SPON2: variants seen among roughly 807,000 people sequenced by gnomAD.
SPON2 encodes the protein spondin 2.
Under a neutral mutation model 29.9 loss-of-function variants are expected in SPON2, and 32 were observed. The ratio of observed to expected loss-of-function variants is 1.07; its 90% CI spans 0.81 to 1.44. The LOEUF (loss-of-function observed/expected upper bound fraction) is 1.44. SPON2 is among the 40% of genes most tolerant of loss of function. The pLI is 0.00. For synonymous variants in SPON2, 248 were observed against 209.1 expected (o/e 1.19, Z -1.61); for missense variants, 541 against 455.5 (o/e 1.19, Z -1.71).
intron 5 of SPON2, chr4:1,169,620 C>T (rs1015182981): frequency 1.3e-5 from 2 of 152,296 alleles, no homozygotes; most frequent in African/African-American, 4.8e-5. Context: ...CCCGTACCTG[C>T]CTCAACTCCA....
upstream of SPON2, among the ~76,000 whole-genome samples, chr4:1,177,066 C>T (rs1477020132): frequency 6.6e-6 from 1 of 152,242 alleles, no homozygotes; most frequent in Non-Finnish European, 1.5e-5. Context: ...ACAGCAATGC[C>T]AGGGTCCTCT....
intron 5 of SPON2, chr4:1,169,708 GA>G (rs1427691291): frequency 6.6e-6 from 1 of 152,326 alleles, no homozygotes; most frequent in African/African-American, 2.4e-5. Context: ...GGGAAAGTCT[GA>G]AGTCCGCTGT....
upstream of SPON2, chr4:1,172,892 TCCCCTCCTCCC>T (rs1727507915): frequency 8.5e-4 from 1 of 1,178 alleles, no homozygotes; most frequent in African/African-American, 3.0e-3. Context: ...TCCCCTCCCC[TCCCCTCCTCCC>T]CTCCCCTCCT....
chr4:1,196,106 C>A (rs554367493), upstream of SPON2, among the ~76,000 whole-genome samples: 138 of 152,326 alleles, frequency 9.1e-4, no homozygotes, highest in Non-Finnish European at 1.5e-3. Flanking sequence ...CCCCGACAGG[C>A]CCTCTGCCTC....
In SPON2 at chr4:1,195,065, G is replaced by GAC. The variant is rs1560210818; in HGVS notation, c.-315_-314insGT. The GAC allele has an allele frequency of 1.1e-4, 10 of 94,994 alleles. 1 individual carries two copies. The highest frequency in any genetic ancestry group is 3.4e-4 in the African/African-American group (10 of 29,674). The allele number at this position is 94,994 out of a possible 1,614,324, so 5.9% of individuals were successfully genotyped here. Reference sequence around the variant, plus strand: ...CGGCGGCTCCAACCCCGCAGCCGGCGTCTCCAACCCCGCAGCCGGCGGCTC... The same window carrying GAC: ...CGGCGGCTCCAACCCCGCAGCCGGCGACTCTCCAACCCCGCAGCCGGCGGCTC... On this transcript the variant is annotated 5_prime_UTR_variant, in exon 1 of 4. Coordinates refer to the SPON2 transcript ENST00000502483.
chr4:1,183,618 T>C lies in SPON2; in HGVS notation c.-238-4077A>G, dbSNP rs146537135. On this transcript the variant is annotated intron_variant, in intron 1 of 3. Coordinates refer to the SPON2 transcript ENST00000502483. ...GAGCCTAATGCATTTTTTAAAATTA[T>C]TAATTTATGTTTTGAGGCACACAGT... is the stretch of plus-strand genomic sequence containing the variant. Among the ~76,000 whole-genome samples, 416 of 152,344 alleles carry C rather than the reference T, an allele frequency of 2.7e-3. 2 individuals are homozygous for C. The highest frequency in any genetic ancestry group is 9.5e-3 in the African/African-American group (397 of 41,572).
chr4:1,207,564 C>A (rs1728373061), intron 1 of SPON2, among the ~76,000 whole-genome samples: 2 of 151,632 alleles, frequency 1.3e-5, no homozygotes, highest in Non-Finnish European at 2.9e-5. Context: ...GGCTGCCTAA[C>A]CATGCGCCGC....
At chr4:1,182,554 GA>G (rs755791204) in intron 1 of SPON2, among the ~76,000 whole-genome samples, 3 of 152,164 alleles carry the variant, frequency 2.0e-5, no homozygotes, top group Non-Finnish European at 4.4e-5. Flanking sequence ...GGAACACAAA[GA>G]AAAAATATTG....
At chr4:1,182,563 T>C (rs1481347063) in intron 1 of SPON2, among the ~76,000 whole-genome samples, 1 of 151,826 alleles carries the variant, frequency 6.6e-6, no homozygotes, top group Admixed American at 6.6e-5. Context: ...AGAAAAAATA[T>C]TGAAGAAAAA....
chr4:1,181,059 G>A (rs1328731860), intron 1 of SPON2, among the ~76,000 whole-genome samples: 1 of 152,140 alleles, frequency 6.6e-6, no homozygotes, highest in Non-Finnish European at 1.5e-5. Context: ...TAGGGAACAT[G>A]CAAAGAGATA....
In SPON2 at chr4:1,192,445, G is replaced by C. The variant is rs529599359; in HGVS notation, c.-239+2545C>G. On this transcript the variant is annotated intron_variant, in intron 1 of 3. Coordinates refer to the SPON2 transcript ENST00000502483. ...TAGAGTTTCCTACTCTCAATCTCTTGACACGATGGTAAAGCCCTTTGCTGT... is the reference window on the plus strand; with the variant it reads ...TAGAGTTTCCTACTCTCAATCTCTTCACACGATGGTAAAGCCCTTTGCTGT... 1.7e-3 allele frequency among the ~76,000 whole-genome samples: 259 copies of C among 152,318 alleles called. 1 individual carries two copies. The highest frequency in any genetic ancestry group is 3.1e-3 in the Non-Finnish European group (213 of 68,034).
chr4:1,200,517 C>T, intron 1 of SPON2: 1 of 305,864 alleles, frequency 3.3e-6, no homozygotes, highest in South Asian at 2.9e-5. Context: ...AGCCTCTGCG[C>T]TTCTGCCTCC....
intron 1 of SPON2, among the ~76,000 whole-genome samples, chr4:1,187,619 A>C (rs959741757): frequency 6.6e-6 from 1 of 152,186 alleles, no homozygotes; most frequent in African/African-American, 2.4e-5. Context: ...AGGGATTACA[A>C]TTAATATCTT....
rs146113450 is a variant in SPON2, at chr4:1,172,382, C to T, written c.-4+162G>A. On this transcript the variant is annotated intron_variant, in intron 1 of 5. Transcript: ENST00000290902. ...GGGATGCCTTCGCCGTCGCAGGGAC[C>T]CGGGGCCTTGGCCGACTGGCTGCCC... 8.2e-3 allele frequency: 4,172 copies of T among 508,894 alleles called. 29 individuals are homozygous for T. The highest frequency in any genetic ancestry group is 0.012 in the Non-Finnish European group (3,272 of 283,018). The allele number at this position is 508,894 out of a possible 1,614,324, so 31.5% of individuals were successfully genotyped here.
At chr4:1,190,732 A>G (rs1727895776) in intron 1 of SPON2, among the ~76,000 whole-genome samples, 1 of 152,254 alleles carries the variant, frequency 6.6e-6, no homozygotes, top group Non-Finnish European at 1.5e-5. Context: ...TCCATGCAAA[A>G]ACATTGGAGC....
intron 1 of SPON2, among the ~76,000 whole-genome samples, chr4:1,181,250 A>G (rs1184655520): frequency 2.6e-5 from 4 of 151,726 alleles, no homozygotes; most frequent in Non-Finnish European, 5.9e-5. Flanking sequence ...AACACATTGG[A>G]AAAAAAAATA....
At chr4:1,176,478 A>C (rs151157520), upstream of SPON2, among the ~76,000 whole-genome samples, 427 of 152,270 alleles carry the variant, frequency 2.8e-3, 2 homozygotes, top group African/African-American at 9.8e-3. Context: ...TCATTCATCC[A>C]TTCACACAGT....
rs555948974 is a variant in SPON2 at position 1,203,510 on chromosome 4, A to G, written c.-234+4370T>C. ...CCCATCTGTCCCTCAGCAGATGGAC[A>G]TGTAGGCTGTGCCCACCTTTGGGCT... On this transcript the variant is annotated intron_variant, in intron 1 of 3. Transcript: ENST00000509233. 1.8e-4 allele frequency among the ~76,000 whole-genome samples: 27 copies of G among 152,342 alleles called. 2 individuals are homozygous for G. In the South Asian group the frequency reaches 4.8e-3, roughly 27 times the overall value.
rs1728299067 is a variant in SPON2 at position 1,204,747 on chromosome 4, G to A, written c.-234+3133C>T. Reference sequence around the variant, plus strand: ...GCCAGCACGAGGGACGGCACCTCGTGACGCCCAGGACAGACCGGGCTTGTT... The same window carrying A: ...GCCAGCACGAGGGACGGCACCTCGTAACGCCCAGGACAGACCGGGCTTGTT... On this transcript the variant is annotated intron_variant, in intron 1 of 3. Coordinates refer to the SPON2 transcript ENST00000509233. 2.6e-5 allele frequency among the ~76,000 whole-genome samples: 4 copies of A among 152,200 alleles called. No individual in the cohort carries two copies. In the South Asian group the frequency reaches 8.3e-4, roughly 31 times the overall value.
Sources: allele counts gnomAD v4.1 joint callset (sites outside exome capture counted in the v4.1 genomes callset), GRCh38; gene constraint gnomAD v4.1.1; transcripts MANE v1.5; gene names NCBI Gene and HGNC (gene_info 2026-07-23, HGNC 2026-07-21).